RBFOX1: variants seen among roughly 807,000 people sequenced by gnomAD.
RBFOX1 encodes the protein RNA binding protein fox-1 homolog 1.
Under a neutral mutation model 57.7 loss-of-function variants are expected in RBFOX1, and 8 were observed. The ratio of observed to expected loss-of-function variants is 0.14; its 90% confidence interval spans 0.08 to 0.25. The LOEUF is 0.25. RBFOX1 is among the 10% of genes least tolerant of loss of function. RBFOX1 has a pLI of 1.00. For missense variants in RBFOX1, 611 were observed against 548.5 expected (o/e 1.11, Z -1.14); for synonymous variants, 326 against 222.4 (o/e 1.47, Z -4.15).
intron 2 of RBFOX1, among the ~76,000 whole-genome samples, chr16:6,565,974 T>G (rs1042968158): frequency 6.6e-6 from 1 of 152,226 alleles, no homozygotes; most frequent in African/African-American, 2.4e-5. Context: ...CATCCTGCAC[T>G]GGCTGGGAGT....
At chr16:6,297,798 AGAG>A (rs1440091410) in intron 1 of RBFOX1, among the ~76,000 whole-genome samples, 1 of 152,162 alleles carries the variant, frequency 6.6e-6, no homozygotes, top group Non-Finnish European at 1.5e-5. Flanking sequence ...CTGAACGCTG[AGAG>A]GAGTTCAGCT....
intron 4 of RBFOX1, among the ~76,000 whole-genome samples, chr16:7,081,035 C>T (rs2059117360): frequency 6.6e-6 from 1 of 152,146 alleles, no homozygotes; most frequent in African/African-American, 2.4e-5. Context: ...GCCACACTGG[C>T]TTTATTTTAC....
Position 6,580,655 on chromosome 16 carries a change from C to T in RBFOX1, c.-63-73948C>T, listed in dbSNP as rs567960203. Among the ~76,000 whole-genome samples the T allele has an allele frequency of 3.9e-5, 6 of 152,232 alleles. No individual in the cohort carries two copies. In the East Asian group the frequency reaches 1.2e-3, roughly 29 times the overall value. ...TTGGTTGATTCTTTTGTGGGGTATA[C>T]ACAGTAAACTCAGACATAAACCTGC... On this transcript the variant is annotated intron_variant, in intron 2 of 15. Coordinates refer to ENST00000550418, the MANE Select transcript of RBFOX1 (RefSeq NM_018723.4).
chr16:6,289,966 A>T (rs978744085), intron 1 of RBFOX1, among the ~76,000 whole-genome samples: 7 of 152,218 alleles, frequency 4.6e-5, no homozygotes, highest in Non-Finnish European at 1.0e-4. Flanking sequence ...CAGCTTCACA[A>T]GGTGAATATG....
At chr16:6,873,669 G>A (rs2061339731) in intron 3 of RBFOX1, among the ~76,000 whole-genome samples, 1 of 152,146 alleles carries the variant, frequency 6.6e-6, no homozygotes, top group South Asian at 2.1e-4. Context: ...GGTTTAGAAG[G>A]AAAATGTGAG....
chr16:6,242,470 C>T (rs1221176741), intron 1 of RBFOX1, among the ~76,000 whole-genome samples: 2 of 151,868 alleles, frequency 1.3e-5, no homozygotes, highest in African/African-American at 4.8e-5. Flanking sequence ...CATAAATAAT[C>T]CTCCCACTTA....
intron 3 of RBFOX1, among the ~76,000 whole-genome samples, chr16:6,707,769 G>C (rs2063025239): frequency 6.6e-6 from 1 of 152,114 alleles, no homozygotes; most frequent in African/African-American, 2.4e-5. Flanking sequence ...CCGTGTAGGA[G>C]ACCAAAAGAG....
chr16:6,283,718 T>A (rs984507526), intron 1 of RBFOX1, among the ~76,000 whole-genome samples: 1 of 152,236 alleles, frequency 6.6e-6, no homozygotes, highest in Non-Finnish European at 1.5e-5. Flanking sequence ...AGAAGGAATA[T>A]GCACATACCC....
At chr16:5,408,974 C>T in intron 1 of RBFOX1, among the ~76,000 whole-genome samples, 1 of 152,238 alleles carries the variant, frequency 6.6e-6, no homozygotes, top group East Asian at 1.9e-4. Context: ...GATTACAGTT[C>T]AGTGTGAGAT....
chr16:7,508,284 TTTG>T (rs1372132992), intron 4 of RBFOX1, among the ~76,000 whole-genome samples: 1 of 152,074 alleles, frequency 6.6e-6, no homozygotes, highest in Non-Finnish European at 1.5e-5. Flanking sequence ...GGCCAGTTGT[TTTG>T]TTGTTGTTTG....
intron 4 of RBFOX1, among the ~76,000 whole-genome samples, chr16:5,989,880 A>ACACACACACACACACACACACACACCCC (rs33912010): frequency 1.6e-5 from 2 of 127,210 alleles, no homozygotes; most frequent in Admixed American, 8.1e-5. Context: ...ACACACACAC[A>ACACACACACACACACACACACACACCCC]CCACCCCTGT....
chr16:5,806,911 G>A (rs533035905), intron 3 of RBFOX1, among the ~76,000 whole-genome samples: 26 of 152,160 alleles, frequency 1.7e-4, no homozygotes, highest in Non-Finnish European at 3.5e-4. Context: ...GCCACTTACC[G>A]AAGCAGCCAG....
At chr16:5,262,551 A>G (rs779802354) in intron 1 of RBFOX1, among the ~76,000 whole-genome samples, 3 of 152,250 alleles carry the variant, frequency 2.0e-5, no homozygotes, top group African/African-American at 7.2e-5. Context: ...TGCTGGCTGC[A>G]GACTCCAGGA....
In RBFOX1 at chr16:7,564,540, C is replaced by CAAAAAAAAAAA. The variant is rs5815409; in HGVS notation, c.271-15219_271-15209dup. Among the ~76,000 whole-genome samples, 16 of 82,516 alleles carry CAAAAAAAAAAA rather than the reference C, an allele frequency of 1.9e-4. 1 individual carries two copies. Among genetic ancestry groups the CAAAAAAAAAAA allele is most frequent in the African/African-American group, 1.4e-3 (15 of 10,456 alleles). The allele number at this position is 82,516 out of a possible 152,430, so 54.1% of individuals were successfully genotyped here. A position where few individuals can be genotyped will look rare whatever the true frequency, so the allele number is the denominator to read the frequency against. The stretch of plus-strand genomic sequence containing the variant: ...TGGCTGACAGAGCAAGACTCCATCT[C>CAAAAAAAAAAA]AAAAAAAAAAAAAAAAAAAAAAAAA... On this transcript the variant is annotated intron_variant, in intron 5 of 15. Coordinates refer to ENST00000550418, the MANE Select transcript of RBFOX1 (RefSeq NM_018723.4).
intron 3 of RBFOX1, among the ~76,000 whole-genome samples, chr16:7,014,823 C>T (rs1003304989): frequency 6.6e-6 from 1 of 152,126 alleles, no homozygotes; most frequent in African/African-American, 2.4e-5. Flanking sequence ...CTCCAGGATT[C>T]AAGCACTTCT....
intron 3 of RBFOX1, among the ~76,000 whole-genome samples, chr16:6,930,997 C>T (rs762696828): frequency 2.0e-5 from 3 of 151,848 alleles, no homozygotes; most frequent in Admixed American, 6.6e-5. Flanking sequence ...TTCCTATCTT[C>T]TCCTTTCTGG....
chr16:5,464,526 A>G (rs1463063001), intron 1 of RBFOX1, among the ~76,000 whole-genome samples: 1 of 152,234 alleles, frequency 6.6e-6, no homozygotes, highest in Non-Finnish European at 1.5e-5. Flanking sequence ...AGTAGATGAC[A>G]GGGGACCAAG....
intron 2 of RBFOX1, among the ~76,000 whole-genome samples, chr16:6,650,865 A>G (rs1347933530): frequency 6.6e-6 from 1 of 152,142 alleles, no homozygotes; most frequent in Non-Finnish European, 1.5e-5. Flanking sequence ...AGACTTAACC[A>G]CAATGGAGTC....
At chr16:5,767,079 T>G (rs1238645764) in intron 3 of RBFOX1, among the ~76,000 whole-genome samples, 1 of 152,228 alleles carries the variant, frequency 6.6e-6, no homozygotes, top group Non-Finnish European at 1.5e-5. Flanking sequence ...AGTCCCACCC[T>G]TTAAGACAGA....
Sources: allele counts gnomAD v4.1 joint callset (sites outside exome capture counted in the v4.1 genomes callset), GRCh38; gene constraint gnomAD v4.1.1; transcripts MANE v1.5; gene names NCBI Gene and HGNC (gene_info 2026-07-23, HGNC 2026-07-21).